Variants in TMEFF1 observed in about 807,000 individuals in gnomAD.
The protein encoded by TMEFF1 is transmembrane protein with EGF like and two follistatin like domains 1.
Under a neutral mutation model 47.5 loss-of-function variants are expected in TMEFF1, and 20 were observed. The observed-to-expected ratio is 0.42, with a 90% CI of 0.30 to 0.61. The LOEUF (loss-of-function observed/expected upper bound fraction) is 0.61, where lower values mean the gene tolerates loss of function less well. Among genes scored for constraint, TMEFF1 ranks in the 20% least tolerant of loss-of-function variants. The pLI, the probability that TMEFF1 is intolerant of heterozygous loss-of-function variation, is 0.19. For synonymous variants in TMEFF1, 162 were observed against 166.3 expected, an observed-to-expected ratio of 0.97 and a Z score of 0.20; for missense variants, 411 against 471.1, an observed-to-expected ratio of 0.87 and a Z score of 1.18.
intron 4 of TMEFF1, 98 bp downstream of exon 4, chr9:100,513,431 T>G: frequency 1.6e-3 from 1,927 of 1,208,216 alleles, no homozygotes; most frequent in Non-Finnish European, 2.0e-3. Flanking sequence ...TGAGATATAA[T>G]TCACATACCA....
intron 1 of TMEFF1, among the ~76,000 whole-genome samples, chr9:100,498,037 T>C (rs910209460): frequency 1.3e-5 from 2 of 152,186 alleles, no homozygotes; most frequent in Admixed American, 1.3e-4. Flanking sequence ...CCACTTTCAC[T>C]GATTGGCAGC....
chr9:100,522,821 G>T (rs538310392), intron 5 of TMEFF1, among the ~76,000 whole-genome samples: 3 of 152,010 alleles, frequency 2.0e-5, no homozygotes, highest in African/African-American at 4.8e-5. Context: ...TGCAAGCTCC[G>T]CCTCTGGGGT....
At chr9:100,575,158 C>T (rs933373429) in intron 9 of TMEFF1, among the ~76,000 whole-genome samples, 1 of 152,146 alleles carries the variant, frequency 6.6e-6, no homozygotes, top group Non-Finnish European at 1.5e-5. Context: ...AGTATCTCTC[C>T]CACACAGTCC....
chr9:100,546,499 G>T (rs1277452395), intron 5 of TMEFF1, among the ~76,000 whole-genome samples: 1 of 151,628 alleles, frequency 6.6e-6, no homozygotes, highest in Non-Finnish European at 1.5e-5. Context: ...TGAGATTTGG[G>T]TAAGGACACA....
chr9:100,509,123 C>A lies in TMEFF1; in HGVS notation c.425C>A (p.Pro142Gln), dbSNP rs1837914736. 9.6e-6 allele frequency: 15 copies of A among 1,562,352 alleles called. No individual in the cohort carries two copies. The highest frequency in any genetic ancestry group is 1.3e-5 in the Non-Finnish European group (15 of 1,159,410). ...QKEITVIARG[P>Q]CYSDNGSGSG... is the part of the protein sequence containing the mutation. ...GAGATAACAGTAATAGCAAGAGGAC[C>A]ATGCTACTCTGGTATGTATGATATT... The change falls in exon 3 of 10, where the codon CCA becomes CAA. Residue 142 changes from proline to glutamine, a missense_variant. Coordinates refer to ENST00000374879, the MANE Select transcript of TMEFF1 (RefSeq NM_003692.5).
At chr9:100,560,338 G>C (rs1347873459) in intron 7 of TMEFF1, among the ~76,000 whole-genome samples, 1 of 152,096 alleles carries the variant, frequency 6.6e-6, no homozygotes, top group African/African-American at 2.4e-5. Flanking sequence ...GTAGTATACT[G>C]CAGGTACGGC....
At chr9:100,489,512 A>G (rs564927860) in intron 1 of TMEFF1, among the ~76,000 whole-genome samples, 1 of 152,348 alleles carries the variant, frequency 6.6e-6, no homozygotes, top group Non-Finnish European at 1.5e-5. Context: ...CAAGGTTCTT[A>G]TATACTGTAG....
At chr9:100,551,137 C>T (rs1838821246) in intron 7 of TMEFF1, among the ~76,000 whole-genome samples, 2 of 152,118 alleles carry the variant, frequency 1.3e-5, no homozygotes, top group Non-Finnish European at 2.9e-5. Context: ...TTTGGTTGCA[C>T]CATTAAAAGA....
chr9:100,498,663 T>C (rs1156784603), intron 1 of TMEFF1, 102 bp from the exon 2 acceptor site: 8 of 1,037,564 alleles, frequency 7.7e-6, no homozygotes, highest in Non-Finnish European at 1.1e-5. Context: ...GGGGGCTCAA[T>C]ACATTTTAAG....
intron 5 of TMEFF1, among the ~76,000 whole-genome samples, chr9:100,530,835 C>G (rs1838362121): frequency 6.6e-6 from 1 of 151,960 alleles, no homozygotes; most frequent in Non-Finnish European, 1.5e-5. Context: ...CAAAAATCCT[C>G]AATAAAATAC....
chr9:100,496,159 C>T (rs1052805235), intron 1 of TMEFF1, among the ~76,000 whole-genome samples: 6 of 152,198 alleles, frequency 3.9e-5, no homozygotes, highest in African/African-American at 1.4e-4. Context: ...GTTATGAGTT[C>T]TTGGAGCTGG....
intron 5 of TMEFF1, among the ~76,000 whole-genome samples, chr9:100,523,728 A>G (rs931039411): frequency 6.6e-6 from 1 of 152,230 alleles, no homozygotes; most frequent in African/African-American, 2.4e-5. Flanking sequence ...TAGGGTTAAG[A>G]AAAAAGGAAG....
chr9:100,533,401 A>C (rs916579619), intron 5 of TMEFF1, among the ~76,000 whole-genome samples: 1 of 152,134 alleles, frequency 6.6e-6, no homozygotes, highest in Non-Finnish European at 1.5e-5. Context: ...TAGAGTTTCA[A>C]ACTTGCTGGC....
intron 3 of TMEFF1, among the ~76,000 whole-genome samples, chr9:100,511,168 CTTT>C (rs1367734627): frequency 6.6e-6 from 1 of 152,148 alleles, no homozygotes; most frequent in African/African-American, 2.4e-5. Flanking sequence ...TTATATACTT[CTTT>C]AAGTACATTG....
At chr9:100,552,111 A>G (rs868414201) in intron 7 of TMEFF1, among the ~76,000 whole-genome samples, 9 of 152,220 alleles carry the variant, frequency 5.9e-5, no homozygotes, top group Admixed American at 1.3e-4. Flanking sequence ...AGGCAAGACT[A>G]GAAAGACAGC....
chr9:100,574,765 A>G (rs755182136), intron 9 of TMEFF1, among the ~76,000 whole-genome samples: 1 of 152,176 alleles, frequency 6.6e-6, no homozygotes, highest in African/African-American at 2.4e-5. Flanking sequence ...AAGCCCTGAG[A>G]TAAGAAGTAC....
intron 8 of TMEFF1, among the ~76,000 whole-genome samples, chr9:100,564,141 C>A (rs1320408740): frequency 6.6e-6 from 1 of 152,210 alleles, no homozygotes; most frequent in East Asian, 1.9e-4. Flanking sequence ...GTGGAGCAAT[C>A]TCGGCTCACT....
chr9:100,555,253 T>G (rs773103737), intron 7 of TMEFF1, among the ~76,000 whole-genome samples: 1 of 152,154 alleles, frequency 6.6e-6, no homozygotes, highest in African/African-American at 2.4e-5. Context: ...TCTTGGAGCC[T>G]GTCACCACTT....
intron 2 of TMEFF1, among the ~76,000 whole-genome samples, chr9:100,500,994 C>G (rs890468268): frequency 1.3e-5 from 2 of 152,158 alleles, no homozygotes; most frequent in Admixed American, 6.5e-5. Context: ...CTGCCAGAAA[C>G]GTGCTCTGAG....
Sources: allele counts gnomAD v4.1 joint callset (sites outside exome capture counted in the v4.1 genomes callset), GRCh38; gene constraint gnomAD v4.1.1; transcripts MANE v1.5; gene names NCBI Gene and HGNC (gene_info 2026-07-23, HGNC 2026-07-21).